The following MEIS3 variants were observed in gnomAD, a reference collection of about 807,000 sequenced individuals.
MEIS3 encodes homeobox protein Meis3.
MEIS3 carries 38 observed loss-of-function variants against 51.4 expected under a neutral mutation model. The ratio of observed to expected loss-of-function variants is 0.74; its 90% CI spans 0.57 to 0.97. The LOEUF (loss-of-function observed/expected upper bound fraction) is 0.97, where lower values mean the gene tolerates loss of function less well. Ranked by LOEUF, MEIS3 falls within the 50% of genes least tolerant of loss-of-function variation. The pLI, the probability that MEIS3 is intolerant of heterozygous loss-of-function variation, is 0.00. For synonymous variants in MEIS3, 198 were observed against 201.8 expected, an observed-to-expected ratio of 0.98 and a Z score of 0.16; for missense variants, 456 against 502.6, an observed-to-expected ratio of 0.91 and a Z score of 0.89.
rs1331788816 is a variant in MEIS3, at chr19:47,406,464, C to G, written c.*13G>C. 3 of 1,613,028 alleles carry G rather than the reference C, an allele frequency of 1.9e-6. No individual in the cohort carries two copies. The highest frequency in any genetic ancestry group is 2.5e-6 in the Non-Finnish European group (3 of 1,179,440). ...CCAGCCCTTAGACCCTCACACCTCT[C>G]CTGCATCAGCCTCTATAGATAATGC... On this transcript the variant is annotated 3_prime_UTR_variant, in exon 12 of 13. Coordinates refer to ENST00000558555, the MANE Select transcript of MEIS3 (RefSeq NM_001301059.2).
Position 47,417,922 on chromosome 19 carries a change from C to T in MEIS3, c.13-572G>A. 3 of 577,202 alleles carry T rather than the reference C, an allele frequency of 5.2e-6. 1 individual carries two copies. The South Asian group carries it at 6.5e-5, about 12-fold the overall frequency. The allele number at this position is 577,202 out of a possible 1,614,324, so 35.8% of individuals were successfully genotyped here. On this transcript the variant is annotated intron_variant, in intron 1 of 12. Coordinates refer to ENST00000558555, the MANE Select transcript of MEIS3 (RefSeq NM_001301059.2). ...TGTCAGTCACACCCAAATCCCCCCC[C>T]CCACACACACATGCACACACACATG...
intron 6 of MEIS3, among the ~76,000 whole-genome samples, chr19:47,409,809 G>A (rs1971038565): frequency 1.3e-5 from 2 of 150,106 alleles, no homozygotes; most frequent in Admixed American, 1.3e-4. Context: ...GTTGCAGTGA[G>A]CCGAGATTGC....
chr19:47,408,621 G>T (rs1447034247), intron 8 of MEIS3, among the ~76,000 whole-genome samples: 2 of 152,016 alleles, frequency 1.3e-5, no homozygotes, highest in Non-Finnish European at 2.9e-5. Flanking sequence ...GAATCTCTGT[G>T]TCTCTCTGTT....
chr19:47,416,898 CG>C lies in MEIS3; in HGVS notation c.250del (p.Arg84ValfsTer49). The C allele has an allele frequency of 6.2e-7, 1 of 1,613,408 alleles. No homozygotes were observed. Among genetic ancestry groups the C allele is most frequent in the Non-Finnish European group, 8.5e-7 (1 of 1,179,762 alleles). On this transcript the variant is annotated frameshift_variant, in exon 3 of 13. Coordinates refer to ENST00000558555, the MANE Select transcript of MEIS3 (RefSeq NM_001301059.2). LOFTEE classifies it high-confidence loss of function. ...EKCELATCSP[R>X]DGAGAGLGTP... ...CCCCAGCCCAGCTCCGGCCCCGTCACGGGGAGAGCATGTAGCCAGTTCACAT... is the reference window on the plus strand; with the variant it reads ...CCCCAGCCCAGCTCCGGCCCCGTCACGGGAGAGCATGTAGCCAGTTCACAT...
rs1970815342 is a variant in MEIS3, at chr19:47,406,316, T to A, written c.*17+144A>T. On this transcript the variant is annotated intron_variant, in intron 12 of 12. Coordinates refer to ENST00000558555, the MANE Select transcript of MEIS3 (RefSeq NM_001301059.2). ...ATGGATGGACGGACGGACAGATGGA[T>A]GAATATCTTCCCATCAAGCCTCAGA... The A allele has an allele frequency of 8.4e-6, 5 of 595,958 alleles. No homozygotes were observed. In the Middle Eastern group the frequency reaches 1.4e-3, roughly 164 times the overall value. 36.9% of individuals were successfully genotyped at this position (595,958 alleles called of 1,614,324 possible).
chr19:47,420,940 A>ACACACACACACACACACTCT (rs1187725467), upstream of MEIS3, among the ~76,000 whole-genome samples: 1 of 90,972 alleles, frequency 1.1e-5, no homozygotes, highest in Non-Finnish European at 2.1e-5. Context: ...ACACACACAC[A>ACACACACACACACACACTCT]CTCTCTCTCT....
intron 4 of MEIS3, among the ~76,000 whole-genome samples, 193 bp from the exon 5 acceptor site, chr19:47,415,294 G>A (rs1234792587): frequency 6.6e-6 from 1 of 152,034 alleles, no homozygotes; most frequent in African/African-American, 2.4e-5. Context: ...AGAGAACAGA[G>A]ATGCAGCCCA....
intron 1 of MEIS3, chr19:47,418,730 A>C: frequency 3.6e-5 from 6 of 168,218 alleles, no homozygotes; most frequent in Non-Finnish European, 5.7e-5. Context: ...AGAGGGGGAT[A>C]GAGAGGCAGA....
chr19:47,407,602 G>A (rs1049315020), intron 8 of MEIS3, 174 bp from the exon 9 acceptor site: 9 of 1,437,576 alleles, frequency 6.3e-6, no homozygotes, highest in African/African-American at 1.5e-5. Flanking sequence ...GGGAGCCTCA[G>A]GCTTGGGGCA....
intron 6 of MEIS3, chr19:47,412,165 C>T (rs1010575729): frequency 1.3e-4 from 20 of 152,124 alleles, no homozygotes; most frequent in African/African-American, 4.8e-4. Flanking sequence ...CTCCAACACA[C>T]TTTGAGGAAC....
chr19:47,417,799 C>A (rs1971529490), intron 1 of MEIS3: 2 of 627,660 alleles, frequency 3.2e-6, no homozygotes, highest in South Asian at 3.7e-5. Flanking sequence ...ATAAGCGCAT[C>A]AGAGTAAGTC....
rs1599819722 is a variant in MEIS3, at chr19:47,414,729, G to C, written c.585C>G (p.Ser195Arg). Residue 195 changes from serine (S) to arginine (R), a missense_variant, in exon 6 of 13, where the codon AGC becomes AGG. Ser to Arg is a moderately radical substitution (Grantham distance 110, BLOSUM62 -1). Transcript: ENST00000558555. Reference sequence around the variant, plus strand: ...GTCCCGGGCCCACCTGGTCTGGGAGGCTGGGGCAGGAGGCTGGGTAGTCCT... The same window carrying C: ...GTCCCGGGCCCACCTGGTCTGGGAGCCTGGGGCAGGAGGCTGGGTAGTCCT... ...DFEDYPASCPSLPDQNNMWIR... is the reference protein window; with the variant it reads ...DFEDYPASCPRLPDQNNMWIR... 4 of 1,604,008 alleles carry C rather than the reference G, an allele frequency of 2.5e-6. No individual in the cohort carries two copies. Among genetic ancestry groups the C allele is most frequent in the East Asian group, 2.2e-5 (1 of 44,492 alleles).
At chr19:47,404,118 C>T (rs1367122038) in intron 12 of MEIS3, among the ~76,000 whole-genome samples, 3 of 152,112 alleles carry the variant, frequency 2.0e-5, no homozygotes, top group Non-Finnish European at 2.9e-5. Flanking sequence ...GCCAGAGGAT[C>T]GCTTAACCTG....
At position 47,415,559 on chromosome 19, in the gene MEIS3, TTCTC is replaced by T. The variant is rs754845929; in HGVS notation, c.397-462_397-459del. Among the ~76,000 whole-genome samples the T allele has an allele frequency of 8.6e-5, 12 of 138,968 alleles. 1 individual carries two copies. Among genetic ancestry groups the T allele is most frequent in the African/African-American group, 2.7e-4 (10 of 37,260 alleles). 91.2% of individuals were successfully genotyped at this position (138,968 alleles called of 152,430 possible). On this transcript the variant is annotated intron_variant, in intron 4 of 12. Coordinates refer to ENST00000558555, the MANE Select transcript of MEIS3 (RefSeq NM_001301059.2). ...AAGCTGGGTATTCCTCCCTCCTTTC[TTCTC>T]TCTCTCTCTCTTTTTTTTTTTTTTT...
intron 6 of MEIS3, among the ~76,000 whole-genome samples, chr19:47,411,955 C>T (rs1037057603): frequency 2.0e-5 from 3 of 150,766 alleles, no homozygotes; most frequent in Admixed American, 1.3e-4. Flanking sequence ...GCAATCCTCC[C>T]GCCTCAGCCT....
At chr19:47,420,904 T>A (rs1284378304), upstream of MEIS3, among the ~76,000 whole-genome samples, 77 of 92,768 alleles carry the variant, frequency 8.3e-4, no homozygotes, top group African/African-American at 1.9e-3. Context: ...TCTCTCTCTC[T>A]CTCTCTCACA....
At chr19:47,405,117 T>C (rs1346798737) in intron 12 of MEIS3, among the ~76,000 whole-genome samples, 3 of 152,230 alleles carry the variant, frequency 2.0e-5, no homozygotes, top group Admixed American at 6.5e-5. Flanking sequence ...TCTGCTTTTG[T>C]GAGCAGGGTA....
At chr19:47,417,988 G>C (rs1420302248) in intron 1 of MEIS3, 1 of 460,078 alleles carries the variant, frequency 2.2e-6, no homozygotes. Context: ...ATGCATGATT[G>C]AGACATTTGG....
At chr19:47,407,726 A>T in intron 8 of MEIS3, 1 of 512,020 alleles carries the variant, frequency 2.0e-6, no homozygotes. Context: ...GAGGGGCTTC[A>T]CTGGCGTCGG....
Sources: gnomAD v4.1 joint callset for allele counts (sites outside exome capture counted in the v4.1 genomes callset) on GRCh38, gnomAD v4.1.1 for gene constraint, MANE v1.5 for transcripts, NCBI Gene and HGNC (gene_info 2026-07-23, HGNC 2026-07-21) for gene names.